Variants in KAZN observed in about 807,000 individuals in gnomAD.
The protein encoded by KAZN is kazrin.
Under a neutral mutation model 87.4 loss-of-function variants are expected in KAZN, and 40 were observed. That is an observed-to-expected ratio of 0.46 (90% CI 0.36 to 0.60). The LOEUF is 0.60. Among genes scored for constraint, KAZN ranks in the 20% least tolerant of loss-of-function variants. KAZN has a pLI of 0.00. For synonymous variants in KAZN, 466 were observed against 458.3 expected (o/e 1.02, Z -0.22); for missense variants, 898 against 1,073.9 (o/e 0.84, Z 2.29).
intron 1 of KAZN, among the ~76,000 whole-genome samples, chr1:14,059,971 A>G (rs1642722980): frequency 1.3e-5 from 2 of 152,184 alleles, no homozygotes; most frequent in Non-Finnish European, 2.9e-5. Context: ...AATACCTTTT[A>G]TTCTTTCAGA....
At chr1:14,513,251 T>G (rs185422282) in intron 2 of KAZN, among the ~76,000 whole-genome samples, 63 of 152,270 alleles carry the variant, frequency 4.1e-4, no homozygotes, top group African/African-American at 1.5e-3. Context: ...TAAGCCTCTG[T>G]GTTAGCCGGT....
At chr1:14,451,542 A>G (rs1163443795) in intron 2 of KAZN, among the ~76,000 whole-genome samples, 2 of 151,952 alleles carry the variant, frequency 1.3e-5, no homozygotes, top group Non-Finnish European at 2.9e-5. Context: ...GAACCCACCT[A>G]TGTTCTCCAG....
intron 2 of KAZN, among the ~76,000 whole-genome samples, chr1:14,283,968 C>T (rs1470366304): frequency 2.6e-5 from 4 of 152,100 alleles, no homozygotes; most frequent in Non-Finnish European, 4.4e-5. Context: ...GGATGAGCCT[C>T]GGAAACATTA....
chr1:13,984,370 TTTACTGGAA>T (rs1638909773), intron 1 of KAZN, among the ~76,000 whole-genome samples: 1 of 152,256 alleles, frequency 6.6e-6, no homozygotes, highest in Admixed American at 6.5e-5. Flanking sequence ...TGGGCTGTTC[TTTACTGGAA>T]TTGCCAACAG....
chr1:14,984,806 G>C (rs1366316826), intron 2 of KAZN, among the ~76,000 whole-genome samples: 1 of 152,094 alleles, frequency 6.6e-6, no homozygotes, highest in East Asian at 1.9e-4. Flanking sequence ...GACTCCTGCT[G>C]GCAAAGATGG....
chr1:14,514,515 G>A (rs1257767839), intron 2 of KAZN, among the ~76,000 whole-genome samples: 35 of 14,980 alleles, frequency 2.3e-3, no homozygotes, highest in African/African-American at 7.7e-3. Flanking sequence ...TATAATATAT[G>A]AAATATATAT....
intron 1 of KAZN, among the ~76,000 whole-genome samples, chr1:14,940,491 C>T (rs1436116660): frequency 6.6e-6 from 1 of 152,236 alleles, no homozygotes; most frequent in Non-Finnish European, 1.5e-5. Context: ...AGCTTCGTTT[C>T]TCCAGGCATT....
chr1:15,030,755 A>G (rs1268184855), intron 2 of KAZN, among the ~76,000 whole-genome samples: 1 of 152,208 alleles, frequency 6.6e-6, no homozygotes, highest in African/African-American at 2.4e-5. Flanking sequence ...CTACCATCCC[A>G]GCCCTTTAAG....
Position 14,877,005 on chromosome 1 carries a change from G to A in KAZN, c.227-83679G>A, listed in dbSNP as rs1246116700. 3.9e-5 allele frequency among the ~76,000 whole-genome samples: 6 copies of A among 152,202 alleles called. No homozygotes were observed. The East Asian group carries it at 7.7e-4, about 20-fold the overall frequency. ...TCTTAAGCCAAATATATACATACAT[G>A]TAGAGATGCAAAAGCTACTGGTTCT... On this transcript the variant is annotated intron_variant, in intron 1 of 14. Coordinates refer to ENST00000376030, the MANE Select transcript of KAZN (RefSeq NM_201628.3).
At chr1:14,401,035 C>T (rs753179894) in intron 2 of KAZN, among the ~76,000 whole-genome samples, 2 of 152,156 alleles carry the variant, frequency 1.3e-5, no homozygotes, top group Non-Finnish European at 2.9e-5. Context: ...AGCATAAATG[C>T]TGTAAGCATG....
chr1:14,655,306 T>C lies in KAZN; in HGVS notation c.226+56083T>C, dbSNP rs116657003. Among the ~76,000 whole-genome samples the C allele has an allele frequency of 6.6e-3, 1,010 of 152,320 alleles. 12 individuals are homozygous for C. The highest frequency in any genetic ancestry group is 0.022 in the African/African-American group (917 of 41,572). On this transcript the variant is annotated intron_variant, in intron 1 of 14. Coordinates refer to ENST00000376030, the MANE Select transcript of KAZN (RefSeq NM_201628.3). ...CTGCTCTTTCTGGATTCTCTACCTG[T>C]CCACCAACAGACCACAGCAAAGTCC...
chr1:14,027,739 C>A (rs1430992082), intron 1 of KAZN, among the ~76,000 whole-genome samples: 1 of 152,160 alleles, frequency 6.6e-6, no homozygotes, highest in Non-Finnish European at 1.5e-5. Context: ...CAAGCAGTGG[C>A]TGCCAATACA....
chr1:14,995,922 A>G (rs745810711), intron 2 of KAZN, among the ~76,000 whole-genome samples: 2 of 152,098 alleles, frequency 1.3e-5, no homozygotes, highest in Non-Finnish European at 2.9e-5. Flanking sequence ...AAAAGTTGGA[A>G]ACTTTTACAG....
intron 1 of KAZN, among the ~76,000 whole-genome samples, chr1:14,018,881 T>A (rs1387645650): frequency 6.6e-6 from 1 of 152,254 alleles, no homozygotes; most frequent in East Asian, 1.9e-4. Context: ...AGGACTTGAA[T>A]TGAGCCATGC....
In KAZN at chr1:15,103,386, G is replaced by A. The variant is rs759323632; in HGVS notation, c.1807G>A (p.Glu603Lys). 4.5e-6 allele frequency: 7 copies of A among 1,551,876 alleles called. No individual in the cohort carries two copies. Among genetic ancestry groups the A allele is most frequent in the African/African-American group, 2.7e-5 (2 of 73,050 alleles). ...CCTCCAGGAGCGCCGGGCCCGCTGC[G>A]AGACGCAGAACATTGACCCCGTGGT... ...EALQERRARC[E>K]TQNIDPVVWT... The change falls in exon 12 of 15, where the codon GAG becomes AAG. Residue 603 changes from glutamate (E) to lysine (K), a missense_variant. By Grantham distance (56) the Glu-to-Lys change is moderately conservative. Coordinates refer to ENST00000376030, the MANE Select transcript of KAZN (RefSeq NM_201628.3).
At chr1:15,086,741 A>G (rs1329705416) in intron 8 of KAZN, among the ~76,000 whole-genome samples, 1 of 152,252 alleles carries the variant, frequency 6.6e-6, no homozygotes, top group Non-Finnish European at 1.5e-5. Context: ...AGGAGGAGTG[A>G]GCAGAATTAA....
chr1:14,403,904 T>C (rs982214387), intron 2 of KAZN, among the ~76,000 whole-genome samples: 1 of 145,854 alleles, frequency 6.9e-6, no homozygotes, highest in Non-Finnish European at 1.5e-5. Context: ...GGAAGTTTAA[T>C]AGGCAAAAGA....
At chr1:14,975,940 G>C (rs36066363) in intron 2 of KAZN, among the ~76,000 whole-genome samples, 27,223 of 151,268 alleles carry the variant, frequency 0.18, 2,682 homozygotes, top group African/African-American at 0.24. Context: ...GCTGAGGCAG[G>C]AGAAAGGCGC....
chr1:14,440,078 A>G (rs902878539), intron 2 of KAZN, among the ~76,000 whole-genome samples: 33 of 152,010 alleles, frequency 2.2e-4, no homozygotes, highest in African/African-American at 7.5e-4. Flanking sequence ...CTGTTGTTCT[A>G]TTATGTCTGT....
Sources: allele counts gnomAD v4.1 joint callset (sites outside exome capture counted in the v4.1 genomes callset), GRCh38; gene constraint gnomAD v4.1.1; transcripts MANE v1.5; gene names NCBI Gene and HGNC (gene_info 2026-07-23, HGNC 2026-07-21).